The following EYA2 variants were observed in gnomAD, a reference collection of about 807,000 sequenced individuals.
EYA2 encodes protein phosphatase EYA2.
In EYA2, 31 loss-of-function variants were observed where a neutral mutation model predicts 69.2. The observed-to-expected ratio is 0.45, with a 90% CI of 0.34 to 0.60. The LOEUF is 0.60. Ranked by LOEUF, EYA2 falls within the 20% of genes least tolerant of loss-of-function variation. The probability of loss-of-function intolerance (pLI) is 0.02; values close to 1 mark genes in which losing one functional copy is unlikely to be tolerated. For missense variants in EYA2, 622 were observed against 701.2 expected (o/e 0.89, Z 1.28); for synonymous variants, 257 against 279.4 (o/e 0.92, Z 0.80).
chr20:47,056,733 C>CAAAATAGAAAT (rs2030630589), intron 5 of EYA2, among the ~76,000 whole-genome samples: 1 of 152,138 alleles, frequency 6.6e-6, no homozygotes, highest in African/African-American at 2.4e-5. Flanking sequence ...GGAGACAGGA[C>CAAAATAGAAAT]CCTGCTCTTT....
At chr20:47,002,181 C>T (rs1284900676) in intron 3 of EYA2, among the ~76,000 whole-genome samples, 2 of 151,510 alleles carry the variant, frequency 1.3e-5, no homozygotes, top group African/African-American at 2.4e-5. Flanking sequence ...TCCCTTTTCC[C>T]CTCCCTCCTT....
At chr20:47,053,821 G>A (rs367851586) in intron 5 of EYA2, among the ~76,000 whole-genome samples, 2 of 151,758 alleles carry the variant, frequency 1.3e-5, no homozygotes, top group Admixed American at 6.6e-5. Context: ...TTGAGAATAC[G>A]TGGGCTAAAA....
At chr20:47,030,598 T>C (rs550055994) in intron 5 of EYA2, among the ~76,000 whole-genome samples, 1 of 151,864 alleles carries the variant, frequency 6.6e-6, no homozygotes, top group East Asian at 1.9e-4. Context: ...ATGGTCTTGG[T>C]GGCCTAGACA....
intron 5 of EYA2, among the ~76,000 whole-genome samples, chr20:47,019,946 G>A (rs1006169633): frequency 1.4e-5 from 2 of 145,998 alleles, no homozygotes; most frequent in Middle Eastern, 3.3e-3. Flanking sequence ...ACTCCAGCCT[G>A]AGCAATAGAG....
intron 5 of EYA2, among the ~76,000 whole-genome samples, chr20:47,062,110 CACTT>C (rs1223533966): frequency 1.3e-5 from 2 of 152,192 alleles, no homozygotes; most frequent in Non-Finnish European, 2.9e-5. Context: ...ATCCTGGGCT[CACTT>C]ACCACTTCTC....
At chr20:47,133,359 T>A (rs1366159472) in intron 9 of EYA2, among the ~76,000 whole-genome samples, 1 of 152,220 alleles carries the variant, frequency 6.6e-6, no homozygotes, top group Non-Finnish European at 1.5e-5. Flanking sequence ...TAGCCAGGGA[T>A]GGGTTATGAG....
chr20:47,047,716 ATTGTC>A (rs1393223548), intron 5 of EYA2, among the ~76,000 whole-genome samples: 1 of 151,738 alleles, frequency 6.6e-6, no homozygotes, highest in Non-Finnish European at 1.5e-5. Context: ...GGACAAGGAT[ATTGTC>A]TTGTGTCCCA....
At chr20:46,968,783 G>A (rs1311434838) in intron 1 of EYA2, among the ~76,000 whole-genome samples, 1 of 151,254 alleles carries the variant, frequency 6.6e-6, no homozygotes, top group African/African-American at 2.4e-5. Context: ...CCACCCCGCC[G>A]CGCCCCCCAC....
chr20:47,158,192 A>C (rs1221383424), intron 10 of EYA2, among the ~76,000 whole-genome samples: 2 of 151,922 alleles, frequency 1.3e-5, no homozygotes, highest in African/African-American at 4.8e-5. Context: ...AAGCAGATAG[A>C]ATAACCATAT....
chr20:46,954,485 C>T (rs1205567247), intron 1 of EYA2, among the ~76,000 whole-genome samples: 1 of 152,226 alleles, frequency 6.6e-6, no homozygotes, highest in Non-Finnish European at 1.5e-5. Context: ...CTCATTTTGA[C>T]TTGTGGTTTG....
intron 5 of EYA2, among the ~76,000 whole-genome samples, chr20:47,062,672 G>A (rs932410194): frequency 3.3e-5 from 5 of 152,264 alleles, no homozygotes; most frequent in South Asian, 2.1e-4. Flanking sequence ...TCTCGGGTTC[G>A]TGTTACATGG....
intron 9 of EYA2, among the ~76,000 whole-genome samples, chr20:47,139,278 A>G (rs1600736797): frequency 6.6e-6 from 1 of 152,242 alleles, no homozygotes; most frequent in East Asian, 1.9e-4. Context: ...TGTTAATCCA[A>G]GAAATATATG....
chr20:47,139,309 G>A (rs1221102635), intron 9 of EYA2, among the ~76,000 whole-genome samples: 2 of 152,190 alleles, frequency 1.3e-5, no homozygotes, highest in Non-Finnish European at 2.9e-5. Flanking sequence ...AATATTCATA[G>A]TTCTACAAAG....
intron 9 of EYA2, among the ~76,000 whole-genome samples, chr20:47,140,112 G>A (rs2033563753): frequency 6.6e-6 from 1 of 152,170 alleles, no homozygotes; most frequent in Non-Finnish European, 1.5e-5. Context: ...TGGAGGGTTG[G>A]TAATCAGTGA....
intron 12 of EYA2, among the ~76,000 whole-genome samples, chr20:47,177,610 G>A (rs994746897): frequency 1.3e-5 from 2 of 152,230 alleles, no homozygotes; most frequent in African/African-American, 4.8e-5. Context: ...GGAGTGAGGG[G>A]GCACGTGGTC....
chr20:46,981,658 TATC>T (rs1178486267), intron 1 of EYA2, among the ~76,000 whole-genome samples: 2 of 152,188 alleles, frequency 1.3e-5, no homozygotes, highest in Admixed American at 6.5e-5. Flanking sequence ...ACTTTTAAAT[TATC>T]ATATATTGGT....
intron 8 of EYA2, 142 bp downstream of exon 8, chr20:47,089,523 G>A (rs1568771467): frequency 2.0e-6 from 2 of 996,154 alleles, no homozygotes; most frequent in African/African-American, 1.6e-5. Flanking sequence ...GAAGCATGAG[G>A]TTGTCCAAGC....
intron 1 of EYA2, among the ~76,000 whole-genome samples, chr20:46,951,002 G>A (rs1449296889): frequency 2.6e-5 from 4 of 152,224 alleles, no homozygotes; most frequent in Non-Finnish European, 5.9e-5. Flanking sequence ...CCTTAGGGGT[G>A]AGGGAGCTGG....
intron 9 of EYA2, among the ~76,000 whole-genome samples, chr20:47,135,126 CAAAAAAAA>C (rs11484435): frequency 1.7e-5 from 1 of 58,494 alleles, no homozygotes; most frequent in African/African-American, 6.6e-5. Flanking sequence ...GACTCCATAT[CAAAAAAAA>C]AAAAAAAAAA....
Sources: allele counts gnomAD v4.1 joint callset (sites outside exome capture counted in the v4.1 genomes callset), GRCh38; gene constraint gnomAD v4.1.1; transcripts MANE v1.5; gene names NCBI Gene and HGNC (gene_info 2026-07-23, HGNC 2026-07-21).